The following MMP7 variants were observed in gnomAD, a reference collection of about 807,000 sequenced individuals.
MMP7 encodes matrilysin.
In MMP7, 26 loss-of-function variants were observed where a neutral mutation model predicts 31.5. That is an observed-to-expected ratio of 0.83 (90% CI 0.61 to 1.15). MMP7 has a LOEUF of 1.15. MMP7 is among the 50% of genes most tolerant of loss of function. The pLI is 0.00. For synonymous variants in MMP7, 142 were observed against 124.2 expected, an observed-to-expected ratio of 1.14 and a Z score of -0.95; for missense variants, 367 against 326.5, an observed-to-expected ratio of 1.12 and a Z score of -0.96.
At chr11:102,527,137 G>T in intron 3 of MMP7, 1 of 244,418 alleles carries the variant, frequency 4.1e-6, no homozygotes, top group Non-Finnish European at 8.0e-6. Context: ...TACAAAACAG[G>T]GGTTGGCAAA....
rs2135901683 is a variant in MMP7, at chr11:102,520,713, C to T, written c.*63G>A. ...AGTGGAGGAACAGTGCTTATCAATTCTGATTGTGCAACAATGATATACAAT... is the reference window on the plus strand; with the variant it reads ...AGTGGAGGAACAGTGCTTATCAATTTTGATTGTGCAACAATGATATACAAT... On this transcript the variant is annotated 3_prime_UTR_variant, in exon 6 of 6. Transcript: ENST00000260227. 1.5e-6 allele frequency: 2 copies of T among 1,341,448 alleles called. No individual in the cohort carries two copies. 83.1% of individuals were successfully genotyped at this position (1,341,448 alleles called of 1,614,324 possible). A position where few individuals can be genotyped will look rare whatever the true frequency, so the allele number is the denominator to read the frequency against.
chr11:102,527,645 CG>C lies in MMP7; in HGVS notation c.362del (p.Pro121ArgfsTer8). ...YRIVSYTRDL[P>X]HITVDRLVSK... The stretch of plus-strand genomic sequence containing the variant: ...ACACTAATCGATCCACTGTAATATG[CG>C]GTAAGTCTCGAGTATATGATACGAT... On this transcript the variant is annotated frameshift_variant, in exon 3 of 6. Coordinates refer to ENST00000260227, the MANE Select transcript of MMP7 (RefSeq NM_002423.5). LOFTEE classifies it high-confidence loss of function. The C allele has an allele frequency of 6.2e-7, 1 of 1,614,044 alleles. No homozygotes were observed. Among genetic ancestry groups the C allele is most frequent in the Non-Finnish European group, 8.5e-7 (1 of 1,179,988 alleles).
At position 102,527,597 on chromosome 11, in the gene MMP7, G is replaced by T; in HGVS notation, c.411C>A (p.Gly137=). 1 of 1,614,094 alleles carries T rather than the reference G, an allele frequency of 6.2e-7. No homozygotes were observed. The highest frequency in any genetic ancestry group is 1.3e-5 in the African/African-American group (1 of 75,032). Residue 137 remains glycine (G), a synonymous_variant, in exon 3 of 6, where the codon GGC becomes GGA. Transcript: ENST00000260227. ...TCCTGAAATGCAGGGGGATCTCTTTGCCCCACATGTTTAAAGCCTTTGACA... is the reference window on the plus strand; with the variant it reads ...TCCTGAAATGCAGGGGGATCTCTTTTCCCCACATGTTTAAAGCCTTTGACA... ...RLVSKALNMW[G]KEIPLHFRKV... is the part of the protein sequence containing the mutation.
Position 102,530,674 on chromosome 11 carries a change from C to G in MMP7, c.27G>C (p.Val9=), listed in dbSNP as rs777252859. ...GGGCCAGGCTGCCAGGCAGCAGGCA[C>G]ACAGCACACAGCACGGTGAGTCGCA... The part of the protein sequence containing the change: MRLTVLCA[V]CLLPGSLALP... The change falls in exon 1 of 6, where the codon GTG becomes GTC. Residue 9 remains valine, a synonymous_variant. Transcript: ENST00000260227. 31 of 1,613,714 alleles carry G rather than the reference C, an allele frequency of 1.9e-5. No homozygotes were observed. The Admixed American group carries it at 5.0e-4, about 26-fold the overall frequency.
At chr11:102,527,402 A>T in intron 3 of MMP7, 122 bp downstream of exon 3, 1 of 1,182,208 alleles carries the variant, frequency 8.5e-7, no homozygotes, top group Non-Finnish European at 1.2e-6. Context: ...TCTATCTATT[A>T]ACTATCTATC....
chr11:102,521,355 G>A (rs138712971), intron 5 of MMP7, among the ~76,000 whole-genome samples: 8 of 152,048 alleles, frequency 5.3e-5, no homozygotes, highest in Non-Finnish European at 1.2e-4. Flanking sequence ...GCACCTTCAC[G>A]CCCGGCTAAT....
Position 102,520,677 on chromosome 11 carries a change from T to C in MMP7, c.*99A>G. ...ACTGCAATAAAAAAGGGTGACATAATTGCTAAATGGAGTGGAGGAACAGTG... is the reference window on the plus strand; with the variant it reads ...ACTGCAATAAAAAAGGGTGACATAACTGCTAAATGGAGTGGAGGAACAGTG... On this transcript the variant is annotated 3_prime_UTR_variant, in exon 6 of 6. Coordinates refer to ENST00000260227, the MANE Select transcript of MMP7 (RefSeq NM_002423.5). 2 of 984,278 alleles carry C rather than the reference T, an allele frequency of 2.0e-6. No individual in the cohort carries two copies. Among genetic ancestry groups the C allele is most frequent in the Non-Finnish European group, 1.5e-6 (1 of 667,134 alleles). The allele number at this position is 984,278 out of a possible 1,614,324, so 61.0% of individuals were successfully genotyped here.
At chr11:102,522,229 A>G (rs1164941321) in intron 5 of MMP7, among the ~76,000 whole-genome samples, 3 of 152,368 alleles carry the variant, frequency 2.0e-5, no homozygotes, top group Non-Finnish European at 4.4e-5. Context: ...TTGAACTGAT[A>G]TCTTAAATCC....
chr11:102,526,406 A>G (rs550265537), intron 3 of MMP7, among the ~76,000 whole-genome samples: 5 of 151,724 alleles, frequency 3.3e-5, no homozygotes, highest in Admixed American at 6.6e-5. Flanking sequence ...TGCTCAGCTA[A>G]TTTTTGTTTT....
At chr11:102,522,230 T>C (rs1858621377) in intron 5 of MMP7, among the ~76,000 whole-genome samples, 1 of 152,240 alleles carries the variant, frequency 6.6e-6, no homozygotes, top group South Asian at 2.1e-4. Flanking sequence ...TGAACTGATA[T>C]CTTAAATCCA....
At position 102,527,899 on chromosome 11, in the gene MMP7, A is replaced by T. The variant is rs1858692116; in HGVS notation, c.193T>A (p.Phe65Ile). 3.7e-6 allele frequency: 6 copies of T among 1,614,078 alleles called. No individual in the cohort carries two copies. The highest frequency in any genetic ancestry group is 4.2e-6 in the Non-Finnish European group (5 of 1,180,006). Residue 65 changes from phenylalanine (F) to isoleucine (I), a missense_variant, in exon 2 of 6, where the codon TTC (phenylalanine) becomes ATC (isoleucine). Phe to Ile is a conservative substitution (Grantham distance 21). Transcript: ENST00000260227. ...LEAKLKEMQK[F>I]FGLPITGMLN... ...ATTCCAGTTATAGGTAGGCCAAAGA[A>T]TTTTTGCATCTCCTTGAGTTTGGCT...
At chr11:102,523,471 G>T in intron 4 of MMP7, 70 bp from the exon 5 acceptor site, 1 of 1,203,372 alleles carries the variant, frequency 8.3e-7, no homozygotes, top group South Asian at 2.6e-5. Flanking sequence ...TTATATATAT[G>T]ATATCATAAT....
At chr11:102,530,411 G>C (rs1455484505) in intron 1 of MMP7, among the ~76,000 whole-genome samples, 182 bp downstream of exon 1, 1 of 152,200 alleles carries the variant, frequency 6.6e-6, no homozygotes, top group East Asian at 1.9e-4. Flanking sequence ...GATTTGAGCA[G>C]ATTCTGAAAC....
chr11:102,528,035 A>T (rs1367126650), intron 1 of MMP7, 52 bp from the exon 2 acceptor site: 2 of 1,323,736 alleles, frequency 1.5e-6, no homozygotes, highest in Non-Finnish European at 2.1e-6. Context: ...ATATTCTTTT[A>T]TCTTAGAAGC....
chr11:102,523,868 C>T (rs556600379), intron 4 of MMP7, among the ~76,000 whole-genome samples: 15 of 152,248 alleles, frequency 9.9e-5, no homozygotes, highest in African/African-American at 2.9e-4. Context: ...TGGGAAGTCA[C>T]GGCCATTCAA....
intron 1 of MMP7, among the ~76,000 whole-genome samples, chr11:102,529,162 C>T (rs2135906426): frequency 6.6e-6 from 1 of 152,268 alleles, no homozygotes; most frequent in East Asian, 1.9e-4. Flanking sequence ...GGTTACCTGT[C>T]TTAGGACCGC....
intron 4 of MMP7, 159 bp downstream of exon 4, chr11:102,524,775 ATG>A: frequency 1.5e-6 from 1 of 689,166 alleles, no homozygotes; most frequent in Non-Finnish European, 2.1e-6. Context: ...GTGTAGCATT[ATG>A]AGTATATTAC....
At chr11:102,521,732 A>T (rs1456543520) in intron 5 of MMP7, among the ~76,000 whole-genome samples, 1 of 152,238 alleles carries the variant, frequency 6.6e-6, no homozygotes, top group African/African-American at 2.4e-5. Flanking sequence ...TTCCTGTTAA[A>T]TTTAATCAGC....
chr11:102,527,281 C>T, intron 3 of MMP7: 2 of 493,534 alleles, frequency 4.1e-6, no homozygotes, highest in Non-Finnish European at 7.2e-6. Context: ...ACTTTATTTA[C>T]AAAAACAGAA....
Sources: allele counts gnomAD v4.1 joint callset (sites outside exome capture counted in the v4.1 genomes callset), GRCh38; gene constraint gnomAD v4.1.1; transcripts MANE v1.5; gene names NCBI Gene and HGNC (gene_info 2026-07-23, HGNC 2026-07-21).